The following SDHA variants were observed in gnomAD, a reference collection of about 807,000 sequenced individuals.
SDHA encodes succinate dehydrogenase [ubiquinone] flavoprotein subunit, mitochondrial.
Under a neutral mutation model 78.4 loss-of-function variants are expected in SDHA, and 48 were observed. The observed-to-expected ratio is 0.61, with a 90% CI of 0.49 to 0.78. The LOEUF is 0.78. Ranked by LOEUF, SDHA falls within the 30% of genes least tolerant of loss-of-function variation. The pLI is 0.00. For synonymous variants in SDHA, 326 were observed against 353.9 expected (o/e 0.92, Z 0.88); for missense variants, 680 against 892.7 (o/e 0.76, Z 3.04).
chr5:238,426 TATATATACAC>T (rs1735916741), intron 10 of SDHA, among the ~76,000 whole-genome samples: 2 of 151,230 alleles, frequency 1.3e-5, no homozygotes, highest in African/African-American at 4.9e-5. Context: ...AAAAAATACA[TATATATACAC>T]ATATATATGT....
chr5:257,410 T>A (rs1310346022), downstream of SDHA, among the ~76,000 whole-genome samples: 1 of 131,130 alleles, frequency 7.6e-6, no homozygotes, highest in Non-Finnish European at 1.5e-5. Flanking sequence ...AGAGCATTAC[T>A]CTGTGAACAC....
chr5:260,069 C>A (rs1737429754), downstream of SDHA, among the ~76,000 whole-genome samples: 1 of 33,420 alleles, frequency 3.0e-5, no homozygotes, highest in Non-Finnish European at 5.2e-5. Flanking sequence ...CGTGTGAGCT[C>A]CGCCTCCCGT....
chr5:263,388 G>A, the SDHA span, among the ~76,000 whole-genome samples: 39 of 152,210 alleles, frequency 2.6e-4, no homozygotes, highest in African/African-American at 7.7e-4. Flanking sequence ...AGGAAGGAGC[G>A]GACTATTGGT....
chr5:249,981 C>G (rs1736711989), intron 11 of SDHA: 1 of 152,072 alleles, frequency 6.6e-6, no homozygotes, highest in South Asian at 2.1e-4. Context: ...GCTCAGACAT[C>G]AGTAAATATC....
At chr5:230,244 GA>G (rs2126565742) in intron 6 of SDHA, among the ~76,000 whole-genome samples, 1 of 151,912 alleles carries the variant, frequency 6.6e-6, no homozygotes, top group African/African-American at 2.4e-5. Flanking sequence ...AAATCTGGGG[GA>G]GAAAAAAATC....
Position 257,065 on chromosome 5 carries a change from A to G in SDHA, c.*645A>G, listed in dbSNP as rs1456440460. On this transcript the variant is annotated 3_prime_UTR_variant, in exon 15 of 15. Transcript: ENST00000264932. The stretch of plus-strand genomic sequence containing the variant: ...CTTGGCCTCCCAAGGTGCTGGAATT[A>G]TAGGTGTGAACAAACCACCATGCCT... Among the ~76,000 whole-genome samples, 1 of 152,176 alleles carries G rather than the reference A, an allele frequency of 6.6e-6. No individual in the cohort carries two copies. The highest frequency in any genetic ancestry group is 1.5e-5 in the Non-Finnish European group (1 of 68,024).
downstream of SDHA, among the ~76,000 whole-genome samples, chr5:257,491 TCAGAGCGTTACC>T (rs1561017870): frequency 8.8e-6 from 1 of 113,458 alleles, no homozygotes; most frequent in African/African-American, 4.6e-5. Context: ...CCGCCTCCTG[TCAGAGCGTTACC>T]GTGAGCTCCG....
downstream of SDHA, among the ~76,000 whole-genome samples, chr5:259,953 AG>A (rs1737425432): frequency 2.2e-5 from 1 of 45,578 alleles, no homozygotes; most frequent in Non-Finnish European, 3.8e-5. Flanking sequence ...GCCTCCCGCC[AG>A]AGCATTACCG....
chr5:240,833 G>A (rs1435925946), intron 11 of SDHA, among the ~76,000 whole-genome samples: 1 of 152,198 alleles, frequency 6.6e-6, no homozygotes, highest in Non-Finnish European at 1.5e-5. Flanking sequence ...CCATCCGTGT[G>A]GCTGCAGAAG....
the SDHA span, among the ~76,000 whole-genome samples, chr5:265,115 G>A: frequency 4.4e-4 from 67 of 152,318 alleles, no homozygotes; most frequent in Non-Finnish European, 8.7e-4. Flanking sequence ...GCTGAGGCAG[G>A]AGAATCTCTT....
chr5:249,465 G>C (rs2115271), intron 11 of SDHA: 17,014 of 158,706 alleles, frequency 0.11, 3,052 homozygotes, highest in African/African-American at 0.38. Context: ...ATGAGGGCAA[G>C]GGACACCTGG....
At chr5:250,334 A>C (rs533867231) in intron 11 of SDHA, 1 of 156,442 alleles carries the variant, frequency 6.4e-6, no homozygotes, top group African/African-American at 2.4e-5. Flanking sequence ...CCTGTCCCAC[A>C]GGAAGCAAAA....
downstream of SDHA, among the ~76,000 whole-genome samples, chr5:257,501 ACC>A: frequency 3.6e-5 from 3 of 83,110 alleles, no homozygotes; most frequent in African/African-American, 1.8e-4. Flanking sequence ...TCAGAGCGTT[ACC>A]GTGAGCTCCG....
downstream of SDHA, among the ~76,000 whole-genome samples, chr5:261,691 G>A (rs1196234541): frequency 3.1e-5 from 2 of 64,458 alleles, no homozygotes; most frequent in African/African-American, 2.2e-4. Flanking sequence ...CAGCATTACC[G>A]TGTGAGCTCC....
At position 251,334 on chromosome 5, in the gene SDHA, C is replaced by A. The variant is rs774876028; in HGVS notation, c.1664-4C>A. 4 of 1,612,594 alleles carry A rather than the reference C, an allele frequency of 2.5e-6. No individual in the cohort carries two copies. The highest frequency in any genetic ancestry group is 2.5e-6 in the Non-Finnish European group (3 of 1,179,488). Reference sequence around the variant, plus strand: ...GCCCCTGATGGAACTTTTTGTGTCCCCAGGAATGGTCTGGAACACGGACCT... The same window carrying A: ...GCCCCTGATGGAACTTTTTGTGTCCACAGGAATGGTCTGGAACACGGACCT... On this transcript the variant is annotated splice_region_variant and splice_polypyrimidine_tract_variant and intron_variant, in intron 12 of 14. Coordinates refer to ENST00000264932, the MANE Select transcript of SDHA (RefSeq NM_004168.4).
chr5:245,361 T>C (rs541200067), intron 11 of SDHA, among the ~76,000 whole-genome samples: 1 of 152,178 alleles, frequency 6.6e-6, no homozygotes, highest in Non-Finnish European at 1.5e-5. Context: ...TCCCCTTAGC[T>C]GAGCAAGACT....
intron 5 of SDHA, 27 bp from the exon 6 acceptor site, chr5:228,158 T>G (rs1735156727): frequency 6.3e-7 from 1 of 1,597,978 alleles, no homozygotes; most frequent in Admixed American, 1.7e-5. Context: ...TTAACACTTC[T>G]TGCCCTTTTT....
downstream of SDHA, among the ~76,000 whole-genome samples, chr5:258,803 T>C (rs80026781): frequency 7.0e-5 from 5 of 71,444 alleles, no homozygotes; most frequent in Non-Finnish European, 9.6e-5. Context: ...CCGCCTCCCG[T>C]CACAGCATTA....
intron 11 of SDHA, among the ~76,000 whole-genome samples, chr5:242,168 A>C (rs1258963841): frequency 6.6e-6 from 1 of 152,192 alleles, no homozygotes; most frequent in Non-Finnish European, 1.5e-5. Flanking sequence ...TCATAGTAAG[A>C]AGCAAAAAAA....
Sources: gnomAD v4.1 joint callset for allele counts (sites outside exome capture counted in the v4.1 genomes callset) on GRCh38, gnomAD v4.1.1 for gene constraint, MANE v1.5 for transcripts, NCBI Gene and HGNC (gene_info 2026-07-23, HGNC 2026-07-21) for gene names.